The following PDAP1 variants were observed in gnomAD, a reference collection of about 807,000 sequenced individuals.
PDAP1 encodes the protein PDGFA associated protein 1.
In PDAP1, 13 loss-of-function variants were observed where a neutral mutation model predicts 28.0. That is an observed-to-expected ratio of 0.46 (90% confidence interval 0.30 to 0.74). The LOEUF (loss-of-function observed/expected upper bound fraction) is 0.74, where lower values mean the gene tolerates loss of function less well. Ranked by LOEUF, PDAP1 falls within the 30% of genes least tolerant of loss-of-function variation. PDAP1 has a pLI of 0.07. For missense variants in PDAP1, 150 were observed against 230.0 expected (o/e 0.65, Z 2.25); for synonymous variants, 77 against 85.1 (o/e 0.91, Z 0.52).
At chr7:99,397,821 A>G in intron 5 of PDAP1, 41 bp downstream of exon 5, 1 of 1,600,402 alleles carries the variant, frequency 6.2e-7, no homozygotes, top group African/African-American at 1.3e-5. Context: ...GCCCAGGACC[A>G]GAGTTGGGGC....
intron 3 of PDAP1, among the ~76,000 whole-genome samples, chr7:99,402,248 A>AAT (rs1794882694): frequency 6.7e-6 from 1 of 148,810 alleles, no homozygotes; most frequent in Non-Finnish European, 1.5e-5. Context: ...AAAAAAAAAA[A>AAT]GCATATCTGG....
In PDAP1 at chr7:99,408,557, C is replaced by T. The variant is rs895584326; in HGVS notation, c.-9G>A. The T allele has an allele frequency of 2.4e-6, 3 of 1,273,616 alleles. No homozygotes were observed. Among genetic ancestry groups the T allele is most frequent in the African/African-American group, 1.5e-5 (1 of 64,602 alleles). 78.9% of individuals were successfully genotyped at this position (1,273,616 alleles called of 1,614,324 possible). Reference sequence around the variant, plus strand: ...TCACCTCCTTTAGGCATTGCGGCTCCGGCGGCTGCGGCGGCGGCGGCGGCG... The same window carrying T: ...TCACCTCCTTTAGGCATTGCGGCTCTGGCGGCTGCGGCGGCGGCGGCGGCG... On this transcript the variant is annotated 5_prime_UTR_variant, in exon 1 of 6. Coordinates refer to ENST00000350498, the MANE Select transcript of PDAP1 (RefSeq NM_014891.7).
rs752440815 is a variant in PDAP1 at position 99,394,869 on chromosome 7, G to A, written c.*1813C>T. The A allele has an allele frequency of 1.7e-6, 2 of 1,194,440 alleles. No homozygotes were observed. Among genetic ancestry groups the A allele is most frequent in the Non-Finnish European group, 2.1e-6 (2 of 956,434 alleles). The allele number at this position is 1,194,440 out of a possible 1,614,324, so 74.0% of individuals were successfully genotyped here. A position where few individuals can be genotyped will look rare whatever the true frequency, so the allele number is the denominator to read the frequency against. On this transcript the variant is annotated 3_prime_UTR_variant, in exon 6 of 6. Transcript: ENST00000350498. ...TGTTATTTCCTTGGGGTCTTGCTAA[G>A]TTTTCCAGGCTGCACTAGAACTCGT...
At chr7:99,397,658 C>T (rs1038908079) in intron 5 of PDAP1, among the ~76,000 whole-genome samples, 5 of 152,204 alleles carry the variant, frequency 3.3e-5, no homozygotes, top group Admixed American at 6.5e-5. Flanking sequence ...AACCTACATC[C>T]GACCCCATGA....
At chr7:99,408,496 GC>G in intron 1 of PDAP1, 39 bp downstream of exon 1, 1 of 1,335,282 alleles carries the variant, frequency 7.5e-7, no homozygotes, top group Non-Finnish European at 9.6e-7. Context: ...GACCTGGGCC[GC>G]CCCTCCAGGC....
At chr7:99,408,078 T>C (rs1383250937) in intron 1 of PDAP1, among the ~76,000 whole-genome samples, 1 of 149,680 alleles carries the variant, frequency 6.7e-6, no homozygotes, top group East Asian at 2.0e-4. Context: ...AACGGGGGAG[T>C]CGAAACCAGG....
At chr7:99,398,934 C>G (rs1297316083) in intron 4 of PDAP1, among the ~76,000 whole-genome samples, 1 of 152,160 alleles carries the variant, frequency 6.6e-6, no homozygotes, top group Admixed American at 6.5e-5. Flanking sequence ...AGGAATGAAC[C>G]CCCTAAGTAG....
Position 99,396,548 on chromosome 7 carries a change from G to A in PDAP1, c.*134C>T, listed in dbSNP as rs1794766905. ...ACAATTTCTGTGCCAAGATGAAGAG[G>A]AGGCCCCAGGCCATGGGGGGCTCCT... On this transcript the variant is annotated 3_prime_UTR_variant, in exon 6 of 6. Coordinates refer to ENST00000350498, the MANE Select transcript of PDAP1 (RefSeq NM_014891.7). 5.9e-6 allele frequency: 4 copies of A among 672,950 alleles called. No homozygotes were observed. The Admixed American group carries it at 7.9e-5, about 13-fold the overall frequency. 41.7% of individuals were successfully genotyped at this position (672,950 alleles called of 1,614,324 possible).
intron 2 of PDAP1, 96 bp from the exon 3 acceptor site, chr7:99,403,601 T>G: frequency 1.2e-6 from 1 of 860,138 alleles, no homozygotes. Context: ...TCTTGAGAAA[T>G]CAAGCCTCTG....
chr7:99,408,567 G>T lies in PDAP1; in HGVS notation c.-19C>A, dbSNP rs1161225526. 32 of 1,212,686 alleles carry T rather than the reference G, an allele frequency of 2.6e-5. No individual in the cohort carries two copies. In the South Asian group the frequency reaches 4.0e-4, roughly 15 times the overall value. The allele number at this position is 1,212,686 out of a possible 1,614,324, so 75.1% of individuals were successfully genotyped here. A position where few individuals can be genotyped will look rare whatever the true frequency, so the allele number is the denominator to read the frequency against. On this transcript the variant is annotated 5_prime_UTR_variant, in exon 1 of 6. Transcript: ENST00000350498. ...TAGGCATTGCGGCTCCGGCGGCTGC[G>T]GCGGCGGCGGCGGCGCCTCGAACTG...
rs189343658 is a variant in PDAP1 at position 99,401,070 on chromosome 7, G to A, written c.214-646C>T. Among the ~76,000 whole-genome samples, 32 of 152,202 alleles carry A rather than the reference G, an allele frequency of 2.1e-4. No homozygotes were observed. The South Asian group carries it at 2.7e-3, about 13-fold the overall frequency. ...CAATTCCATCAATTCTCCTTAAGGG[G>A]GCAGGGAGACAGCTTCCACTCCACA... On this transcript the variant is annotated intron_variant, in intron 3 of 5. Transcript: ENST00000350498.
Position 99,396,543 on chromosome 7 carries a change from A to C in PDAP1, c.*139T>G. The C allele has an allele frequency of 2.1e-6, 1 of 486,292 alleles. No individual in the cohort carries two copies. The highest frequency in any genetic ancestry group is 4.1e-6 in the Non-Finnish European group (1 of 241,390). The allele number at this position is 486,292 out of a possible 1,614,324, so 30.1% of individuals were successfully genotyped here. Reference sequence around the variant, plus strand: ...CCCAAACAATTTCTGTGCCAAGATGAAGAGGAGGCCCCAGGCCATGGGGGG... The same window carrying C: ...CCCAAACAATTTCTGTGCCAAGATGCAGAGGAGGCCCCAGGCCATGGGGGG... On this transcript the variant is annotated 3_prime_UTR_variant, in exon 6 of 6. Coordinates refer to ENST00000350498, the MANE Select transcript of PDAP1 (RefSeq NM_014891.7).
intron 1 of PDAP1, chr7:99,406,485 T>C (rs1794974587): frequency 1.3e-6 from 1 of 786,112 alleles, no homozygotes; most frequent in South Asian, 5.8e-5. Flanking sequence ...ACTGGCAAAG[T>C]ACAGATGAAA....
chr7:99,400,283 G>GT lies in PDAP1; in HGVS notation c.335+19_335+20insA. On this transcript the variant is annotated intron_variant, in intron 4 of 5. Transcript: ENST00000350498. ...CTGGCCTGTATTCCCCGTGACACAA[G>GT]GCCCAGCCAGTGATGTTACCGTTCT... is the stretch of plus-strand genomic sequence containing the variant. 1 of 1,612,660 alleles carries GT rather than the reference G, an allele frequency of 6.2e-7. No individual in the cohort carries two copies. Among genetic ancestry groups the GT allele is most frequent in the Non-Finnish European group, 8.5e-7 (1 of 1,179,704 alleles).
chr7:99,408,476 G>T, intron 1 of PDAP1, 60 bp downstream of exon 1: 1 of 1,334,270 alleles, frequency 7.5e-7, no homozygotes, highest in South Asian at 1.8e-5. Flanking sequence ...TGAGGGGACA[G>T]CGGAAGCCGG....
At chr7:99,402,244 A>AG (rs1375543026) in intron 3 of PDAP1, among the ~76,000 whole-genome samples, 2 of 150,714 alleles carry the variant, frequency 1.3e-5, no homozygotes, top group East Asian at 4.0e-4. Context: ...AAAAAAAAAA[A>AG]AAAAGCATAT....
chr7:99,401,088 A>T lies in PDAP1; in HGVS notation c.214-664T>A, dbSNP rs147748438. Reference sequence around the variant, plus strand: ...TTAAGGGGGCAGGGAGACAGCTTCCACTCCACAGAGCTCCCTCCACACACT... The same window carrying T: ...TTAAGGGGGCAGGGAGACAGCTTCCTCTCCACAGAGCTCCCTCCACACACT... On this transcript the variant is annotated intron_variant, in intron 3 of 5. Transcript: ENST00000350498. Among the ~76,000 whole-genome samples the T allele has an allele frequency of 5.8e-3, 881 of 151,868 alleles. 24 individuals are homozygous for T. Among genetic ancestry groups the T allele is most frequent in the Admixed American group, 0.053 (807 of 15,234 alleles).
Position 99,397,845 on chromosome 7 carries a change from C to T in PDAP1, c.487+17G>A, listed in dbSNP as rs201457301. ...CAGAGTTGGGGCCTGTCCCTGCGTG[C>T]GCAGCCCAGCCCTTACCTTTCCTTT... On this transcript the variant is annotated intron_variant, in intron 5 of 5. Coordinates refer to ENST00000350498, the MANE Select transcript of PDAP1 (RefSeq NM_014891.7). 4.5e-5 allele frequency: 72 copies of T among 1,610,994 alleles called. No homozygotes were observed. The African/African-American group carries it at 7.6e-4, about 17-fold the overall frequency.
intron 2 of PDAP1, among the ~76,000 whole-genome samples, chr7:99,404,219 G>A (rs943430770): frequency 6.6e-6 from 1 of 152,142 alleles, no homozygotes; most frequent in Non-Finnish European, 1.5e-5. Context: ...TCACAGCTGT[G>A]TACCCATCTG....
Sources: gnomAD v4.1 joint callset for allele counts (sites outside exome capture counted in the v4.1 genomes callset) on GRCh38, gnomAD v4.1.1 for gene constraint, MANE v1.5 for transcripts, NCBI Gene and HGNC (gene_info 2026-07-23, HGNC 2026-07-21) for gene names.